FAM107B: variants seen among roughly 807,000 people sequenced by gnomAD.
The protein encoded by FAM107B is protein FAM107B.
A neutral mutation model predicts 31.5 loss-of-function variants in FAM107B; 21 were observed. The observed-to-expected ratio is 0.67, with a 90% CI of 0.47 to 0.96. The LOEUF is 0.96. Ranked by LOEUF, FAM107B falls within the 40% of genes least tolerant of loss-of-function variation. The probability of loss-of-function intolerance (pLI) is 0.00; values close to 1 mark genes in which losing one functional copy is unlikely to be tolerated. For missense variants in FAM107B, 452 were observed against 377.1 expected (o/e 1.20, Z -1.64); for synonymous variants, 157 against 141.5 (o/e 1.11, Z -0.78).
At chr10:14,767,045 TATATATATATAGAGAGAGAGAG>T (rs1318416172) in intron 1 of FAM107B, among the ~76,000 whole-genome samples, 3 of 39,046 alleles carry the variant, frequency 7.7e-5, no homozygotes, top group African/African-American at 2.3e-4. Flanking sequence ...TATATATATA[TATATATATATAGAGAGAGAGAG>T]AGAGAGAGAG....
chr10:14,560,781 T>C (rs189750357), intron 2 of FAM107B, among the ~76,000 whole-genome samples: 32 of 152,294 alleles, frequency 2.1e-4, no homozygotes, highest in Admixed American at 2.1e-3. Flanking sequence ...CCACCTCCAT[T>C]CCTATCATCA....
chr10:14,605,480 TCTGA>T (rs1199716402), intron 2 of FAM107B, among the ~76,000 whole-genome samples: 1 of 152,254 alleles, frequency 6.6e-6, no homozygotes, highest in Non-Finnish European at 1.5e-5. Context: ...GGGAAATTTT[TCTGA>T]CTAAGACAGT....
intron 1 of FAM107B, among the ~76,000 whole-genome samples, chr10:14,683,664 T>C (rs1205976005): frequency 1.3e-5 from 2 of 152,202 alleles, no homozygotes; most frequent in African/African-American, 4.8e-5. Context: ...CATATGGAGA[T>C]AGGGTTACAG....
chr10:14,645,289 C>G (rs1029151462), intron 2 of FAM107B, among the ~76,000 whole-genome samples: 1 of 152,176 alleles, frequency 6.6e-6, no homozygotes, highest in Non-Finnish European at 1.5e-5. Flanking sequence ...CTGCCTGTCT[C>G]GCATTCTCCA....
intron 2 of FAM107B, among the ~76,000 whole-genome samples, chr10:14,620,017 CTTTTTTTTT>C (rs71388190): frequency 1.2e-5 from 1 of 83,900 alleles, no homozygotes; most frequent in Non-Finnish European, 2.4e-5. Context: ...TTCTTTCTTT[CTTTTTTTTT>C]TTTTTTTTTT....
intron 1 of FAM107B, among the ~76,000 whole-genome samples, chr10:14,699,698 G>A (rs1307724072): frequency 6.6e-6 from 1 of 152,134 alleles, no homozygotes; most frequent in Non-Finnish European, 1.5e-5. Flanking sequence ...AGCTATCTGG[G>A]CACCACTTAG....
intron 3 of FAM107B, among the ~76,000 whole-genome samples, chr10:14,524,202 C>A (rs1313013212): frequency 6.6e-6 from 1 of 152,012 alleles, no homozygotes; most frequent in Non-Finnish European, 1.5e-5. Context: ...CAACCACGAC[C>A]GGATAATTTT....
intron 2 of FAM107B, among the ~76,000 whole-genome samples, chr10:14,648,663 G>A (rs977211071): frequency 1.3e-5 from 2 of 152,164 alleles, no homozygotes; most frequent in African/African-American, 2.4e-5. Flanking sequence ...ACCCAGGTGC[G>A]TCGGTGGCAA....
chr10:14,708,721 G>C (rs2688830), intron 1 of FAM107B, among the ~76,000 whole-genome samples: 2,629 of 152,240 alleles, frequency 0.017, 94 homozygotes, highest in African/African-American at 0.061. Context: ...AATATTTGCA[G>C]AGCACATAGC....
intron 1 of FAM107B, among the ~76,000 whole-genome samples, chr10:14,745,607 G>A (rs1396073078): frequency 2.0e-5 from 3 of 152,100 alleles, no homozygotes; most frequent in African/African-American, 7.2e-5. Context: ...GTAGTTGTGT[G>A]GTTTTGAGTG....
At chr10:14,545,921 C>T (rs1032577590) in intron 2 of FAM107B, among the ~76,000 whole-genome samples, 2 of 152,166 alleles carry the variant, frequency 1.3e-5, no homozygotes, top group Non-Finnish European at 2.9e-5. Flanking sequence ...TGGTTGATTT[C>T]GGCCTAATCA....
At chr10:14,584,185 G>A (rs1416018106) in intron 2 of FAM107B, among the ~76,000 whole-genome samples, 1 of 152,184 alleles carries the variant, frequency 6.6e-6, no homozygotes, top group African/African-American at 2.4e-5. Flanking sequence ...TCTGATCTGG[G>A]TAGCTCGTTG....
At chr10:14,573,963 T>TG (rs1564581018) in intron 2 of FAM107B, among the ~76,000 whole-genome samples, 3 of 149,416 alleles carry the variant, frequency 2.0e-5, no homozygotes, top group African/African-American at 4.9e-5. Flanking sequence ...CTGCTCTTTC[T>TG]CTCATAATCT....
At chr10:14,679,067 C>A (rs918291053) in intron 1 of FAM107B, among the ~76,000 whole-genome samples, 57 of 152,298 alleles carry the variant, frequency 3.7e-4, no homozygotes, top group African/African-American at 1.3e-3. Flanking sequence ...AGGTTCAAAT[C>A]CCAGTCCTGC....
At chr10:14,620,937 G>T (rs1021980437) in intron 2 of FAM107B, among the ~76,000 whole-genome samples, 5 of 151,984 alleles carry the variant, frequency 3.3e-5, no homozygotes, top group African/African-American at 7.3e-5. Context: ...AGTATTTCTT[G>T]GTTTTGATGT....
intron 2 of FAM107B, among the ~76,000 whole-genome samples, chr10:14,578,122 T>A (rs934486456): frequency 1.3e-5 from 2 of 152,170 alleles, no homozygotes; most frequent in African/African-American, 4.8e-5. Context: ...GTTCATTAAA[T>A]GAAATGGTAA....
intron 1 of FAM107B, among the ~76,000 whole-genome samples, chr10:14,711,356 A>C (rs950512421): frequency 6.6e-6 from 1 of 152,218 alleles, no homozygotes; most frequent in African/African-American, 2.4e-5. Flanking sequence ...TGCAAGCTCC[A>C]TTCATGGTGA....
At chr10:14,666,356 G>C (rs183546519) in intron 2 of FAM107B, among the ~76,000 whole-genome samples, 2 of 152,288 alleles carry the variant, frequency 1.3e-5, no homozygotes, top group East Asian at 3.9e-4. Flanking sequence ...AAGGAGAAGT[G>C]CAGAGTGAAG....
chr10:14,764,157 T>C (rs966312561), intron 1 of FAM107B, among the ~76,000 whole-genome samples: 2 of 152,282 alleles, frequency 1.3e-5, no homozygotes, highest in African/African-American at 4.8e-5. Context: ...TACACGATCA[T>C]GCATTGTTTT....
Sources: gnomAD v4.1 joint callset for allele counts (sites outside exome capture counted in the v4.1 genomes callset) on GRCh38, gnomAD v4.1.1 for gene constraint, MANE v1.5 for transcripts, NCBI Gene and HGNC (gene_info 2026-07-23, HGNC 2026-07-21) for gene names.